POMT1: variants seen among roughly 807,000 people sequenced by gnomAD.
POMT1 encodes protein O-mannosyltransferase 1, also known as protein O-mannosyl-transferase 1.
In POMT1, 85 loss-of-function variants were observed where a neutral mutation model predicts 101.6. The ratio of observed to expected loss-of-function variants is 0.84; its 90% CI spans 0.70 to 1.00. The LOEUF (loss-of-function observed/expected upper bound fraction) is 1.00, where lower values mean the gene tolerates loss of function less well. Ranked by LOEUF, POMT1 falls within the 50% of genes least tolerant of loss-of-function variation. POMT1 has a pLI of 0.00. For synonymous variants in POMT1, 371 were observed against 383.0 expected, an observed-to-expected ratio of 0.97 and a Z score of 0.37; for missense variants, 857 against 930.4, an observed-to-expected ratio of 0.92 and a Z score of 1.03.
rs764871902 is a variant in POMT1 at position 131,521,339 on chromosome 9, C to T, written c.1699-7C>T. 2 of 1,614,134 alleles carry T rather than the reference C, an allele frequency of 1.2e-6. No homozygotes were observed. Among genetic ancestry groups the T allele is most frequent in the Middle Eastern group, 1.6e-4 (1 of 6,062 alleles). ...GGTGGCTAACAGCATCTCCCATGTT[C>T]CCTTAGGCTCAGATCCACCTACTTG... On this transcript the variant is annotated splice_region_variant and splice_polypyrimidine_tract_variant and intron_variant, in intron 17 of 19. Coordinates refer to ENST00000402686, the MANE Select transcript of POMT1 (RefSeq NM_001077365.2).
chr9:131,519,166 C>A lies in POMT1; in HGVS notation c.1486+209C>A. Among the ~76,000 whole-genome samples the A allele has an allele frequency of 6.6e-6, 1 of 152,154 alleles. No homozygotes were observed. The highest frequency in any genetic ancestry group is 2.1e-4 in the South Asian group (1 of 4,824). On this transcript the variant is annotated intron_variant, in intron 15 of 19. Coordinates refer to ENST00000402686, the MANE Select transcript of POMT1 (RefSeq NM_001077365.2). The surrounding 1 kb of genome is among the most constrained non-coding windows in gnomAD (Gnocchi z 4.3). ...CTTCCGAGGTGTCGCTGGAAGGCAA[C>A]CAGTTTATCCCCGTGCAAGTGGAGC...
chr9:131,509,070 G>T, intron 6 of POMT1, 48 bp downstream of exon 6: 1 of 1,412,080 alleles, frequency 7.1e-7, no homozygotes, highest in Non-Finnish European at 1.0e-6. Flanking sequence ...AGAGATTCTG[G>T]GTGGTTTGTT....
At chr9:131,517,948 G>T (rs529723485) in intron 13 of POMT1, among the ~76,000 whole-genome samples, 1 of 152,370 alleles carries the variant, frequency 6.6e-6, no homozygotes, top group South Asian at 2.1e-4. Context: ...TGGGGTCATT[G>T]TGAGGCTCCA....
chr9:131,518,734 C>T, intron 14 of POMT1, 103 bp from the exon 15 acceptor site: 2 of 1,584,554 alleles, frequency 1.3e-6, no homozygotes, highest in Non-Finnish European at 1.7e-6. Flanking sequence ...CAAGGGGCAC[C>T]TGCTGACAGC....
rs1210063871 is a variant in POMT1 at position 131,519,272 on chromosome 9, A to T, written c.1487-117A>T. 12 of 1,050,756 alleles carry T rather than the reference A, an allele frequency of 1.1e-5. No individual in the cohort carries two copies. Among genetic ancestry groups the T allele is most frequent in the Non-Finnish European group, 1.7e-5 (12 of 702,392 alleles). The allele number at this position is 1,050,756 out of a possible 1,614,324, so 65.1% of individuals were successfully genotyped here. A position where few individuals can be genotyped will look rare whatever the true frequency, so the allele number is the denominator to read the frequency against. On this transcript the variant is annotated intron_variant, in intron 15 of 19. Transcript: ENST00000402686. This position sits in a 1 kb window ranked among gnomAD's most constrained non-coding sequence, Gnocchi z 4.3. ...AAGCTAAGTGGAATGATGCGGTTCG[A>T]TAAGGGGTCTTTGTTAGAAAGGCAG...
chr9:131,507,378 C>G lies in POMT1; in HGVS notation c.291C>G (p.Ser97Arg). 1 of 1,614,162 alleles carries G rather than the reference C, an allele frequency of 6.2e-7. No individual in the cohort carries two copies. The highest frequency in any genetic ancestry group is 8.5e-7 in the Non-Finnish European group (1 of 1,180,010). ...LWNRIGAEYS[S>R]NVPVWSLRLL... ...TGGTTGCTTTTCCAGAATACAGTAG[C>G]AACGTGCCTGTGTGGTCCCTGCGCC... Residue 97 changes from serine (S) to arginine (R), a missense_variant, in exon 5 of 20, where the codon AGC becomes AGG. Physicochemically the swap from Ser to Arg is moderately radical, Grantham distance 110 (BLOSUM62 -1). Transcript: ENST00000402686.
intron 12 of POMT1, among the ~76,000 whole-genome samples, 200 bp from the exon 13 acceptor site, chr9:131,515,226 C>G (rs551226025): frequency 5.3e-4 from 81 of 152,352 alleles, no homozygotes; most frequent in Non-Finnish European, 9.8e-4. Flanking sequence ...CACAGGGCCT[C>G]CTGCCTGTTT....
intron 9 of POMT1, chr9:131,511,136 G>A (rs939692602): frequency 5.1e-6 from 3 of 584,326 alleles, no homozygotes; most frequent in Non-Finnish European, 5.8e-6. Flanking sequence ...CTGGCCCAGA[G>A]GCAGCATTTG....
chr9:131,507,247 T>A (rs945524789), intron 4 of POMT1, 121 bp from the exon 5 acceptor site: 32 of 1,504,064 alleles, frequency 2.1e-5, no homozygotes, highest in Non-Finnish European at 2.4e-5. Flanking sequence ...GGGTCCCCAG[T>A]TTTGTAAACG....
Position 131,513,421 on chromosome 9 carries a change from G to A in POMT1, c.1175+90G>A, listed in dbSNP as rs12379992. ...CAAAACGTGAGCCCTGCCTTGGGCC[G>A]CTGCCCCCTGTCTACCCATCATCTG... On this transcript the variant is annotated intron_variant, in intron 12 of 19. Coordinates refer to ENST00000402686, the MANE Select transcript of POMT1 (RefSeq NM_001077365.2). 3,490 of 1,176,846 alleles carry A rather than the reference G, an allele frequency of 3.0e-3. 13 individuals carry two copies. Among genetic ancestry groups the A allele is most frequent in the Non-Finnish European group, 3.9e-3 (3,175 of 815,720 alleles). The allele number at this position is 1,176,846 out of a possible 1,614,324, so 72.9% of individuals were successfully genotyped here. A position where few individuals can be genotyped will look rare whatever the true frequency, so the allele number is the denominator to read the frequency against.
chr9:131,520,966 C>T (rs1179083684), intron 17 of POMT1: 5 of 344,398 alleles, frequency 1.5e-5, no homozygotes, highest in Middle Eastern at 1.0e-3. Flanking sequence ...CCTCAGCCTC[C>T]AAGTAGCTGG....
Position 131,519,137 on chromosome 9 carries a change from G to A in POMT1, c.1486+180G>A, listed in dbSNP as rs577179809. Among the ~76,000 whole-genome samples, 1 of 152,196 alleles carries A rather than the reference G, an allele frequency of 6.6e-6. No individual in the cohort carries two copies. The highest frequency in any genetic ancestry group is 1.5e-5 in the Non-Finnish European group (1 of 68,032). On this transcript the variant is annotated intron_variant, in intron 15 of 19. Coordinates refer to ENST00000402686, the MANE Select transcript of POMT1 (RefSeq NM_001077365.2). The surrounding 1 kb of genome is among the most constrained non-coding windows in gnomAD (Gnocchi z 4.3). ...AGCTGCTGCAGTAATAACTCAAGAC[G>A]CTTCTTCCGAGGTGTCGCTGGAAGG...
intron 9 of POMT1, chr9:131,511,002 CA>C: frequency 3.5e-6 from 1 of 287,316 alleles, no homozygotes; most frequent in Non-Finnish European, 6.6e-6. Flanking sequence ...TGTGTTTCAG[CA>C]AGTTGTTTGG....
intron 4 of POMT1, chr9:131,506,885 G>A (rs1426563023): frequency 9.1e-5 from 22 of 240,570 alleles, no homozygotes; most frequent in East Asian, 2.1e-4. Flanking sequence ...TGGCTAACAT[G>A]GTGAAACCCC....
Position 131,522,982 on chromosome 9 carries a change from C to A in POMT1, c.2054C>A (p.Ser685Tyr), listed in dbSNP as rs1468241409. ...IFSALVVAWY[S>Y]SACHVSNTLR... ...AGCGCCCTGGTGGTGGCCTGGTACTCCTCCGCGTGCCACGTGTCCAACACG... is the reference window on the plus strand; with the variant it reads ...AGCGCCCTGGTGGTGGCCTGGTACTACTCCGCGTGCCACGTGTCCAACACG... Residue 685 changes from serine to tyrosine, a missense_variant, in exon 20 of 20, where the codon TCC becomes TAC. Physicochemically the swap from Ser to Tyr is moderately radical, Grantham distance 144 (BLOSUM62 -2). Transcript: ENST00000402686. This position sits in a 1 kb window ranked among gnomAD's most constrained non-coding sequence, Gnocchi z 5.5. The A allele has an allele frequency of 5.6e-6, 9 of 1,604,876 alleles. No individual in the cohort carries two copies. The highest frequency in any genetic ancestry group is 1.7e-6 in the Non-Finnish European group (2 of 1,177,298).
In POMT1 at chr9:131,522,365, G is replaced by A; in HGVS notation, c.2003+141G>A. On this transcript the variant is annotated intron_variant, in intron 19 of 19. Transcript: ENST00000402686. The surrounding 1 kb of genome is among the most constrained non-coding windows in gnomAD (Gnocchi z 5.5). The stretch of plus-strand genomic sequence containing the variant: ...TCCTCCGGGTCCCTCCGGGGAATGG[G>A]TGAGGTTCAGAAGAGATGCCCAGAT... The A allele has an allele frequency of 6.7e-7, 1 of 1,483,870 alleles. No homozygotes were observed. The highest frequency in any genetic ancestry group is 9.0e-7 in the Non-Finnish European group (1 of 1,111,210). 91.9% of individuals were successfully genotyped at this position (1,483,870 alleles called of 1,614,324 possible).
At chr9:131,510,495 T>C in intron 9 of POMT1, 80 bp downstream of exon 9, 2 of 1,492,984 alleles carry the variant, frequency 1.3e-6, no homozygotes, top group East Asian at 2.3e-5. Context: ...ACACATCAAG[T>C]GAACATTAGC....
intron 13 of POMT1, among the ~76,000 whole-genome samples, chr9:131,515,807 C>T (rs80109875): frequency 8.3e-6 from 1 of 120,568 alleles, no homozygotes; most frequent in Non-Finnish European, 1.8e-5. Flanking sequence ...CTTCCTCACA[C>T]GGAGCACTTC....
chr9:131,509,855 T>G (rs747217123), intron 7 of POMT1, 47 bp downstream of exon 7: 14 of 1,614,022 alleles, frequency 8.7e-6, no homozygotes, highest in Non-Finnish European at 1.2e-5. Context: ...TCCATCTCCT[T>G]ATGTTTTCCT....
Sources: allele counts gnomAD v4.1 joint callset (sites outside exome capture counted in the v4.1 genomes callset), GRCh38; gene constraint gnomAD v4.1.1; non-coding constraint Gnocchi (gnomAD v3.1); transcripts MANE v1.5; gene names NCBI Gene and HGNC (gene_info 2026-07-23, HGNC 2026-07-21).